TMEM132D: variants seen among roughly 807,000 people sequenced by gnomAD.
TMEM132D encodes transmembrane protein 132D.
TMEM132D carries 21 observed loss-of-function variants against 62.3 expected under a neutral mutation model. The ratio of observed to expected loss-of-function variants is 0.34; its 90% CI spans 0.24 to 0.49. The LOEUF (loss-of-function observed/expected upper bound fraction) is 0.49, where lower values mean the gene tolerates loss of function less well. TMEM132D is among the 20% of genes least tolerant of loss of function. The pLI is 0.99. For synonymous variants in TMEM132D, 621 were observed against 575.6 expected, an observed-to-expected ratio of 1.08 and a Z score of -1.13; for missense variants, 1,346 against 1,402.8, an observed-to-expected ratio of 0.96 and a Z score of 0.65.
intron 4 of TMEM132D, among the ~76,000 whole-genome samples, chr12:129,272,567 T>C (rs1371031800): frequency 6.6e-6 from 1 of 151,898 alleles, no homozygotes; most frequent in Non-Finnish European, 1.5e-5. Context: ...GCATTTTTTA[T>C]ATGTGTTGGC....
chr12:129,860,080 C>T (rs902622525), intron 1 of TMEM132D, among the ~76,000 whole-genome samples: 9 of 152,298 alleles, frequency 5.9e-5, no homozygotes, highest in South Asian at 2.1e-4. Context: ...GTCCTGGTCA[C>T]AGGGGACTCA....
intron 6 of TMEM132D, among the ~76,000 whole-genome samples, chr12:129,083,785 T>C (rs927919979): frequency 2.0e-5 from 3 of 152,246 alleles, no homozygotes; most frequent in Non-Finnish European, 4.4e-5. Context: ...ACGGTTTCTC[T>C]GAGATGACAA....
intron 4 of TMEM132D, among the ~76,000 whole-genome samples, chr12:129,266,694 A>G (rs554981488): frequency 6.6e-6 from 1 of 151,342 alleles, no homozygotes; most frequent in East Asian, 2.0e-4. Context: ...TCTGCCAATG[A>G]GACCAACGTC....
rs77447994 is a variant in TMEM132D, at chr12:129,897,719, A to C, written c.79+5542T>G. On this transcript the variant is annotated intron_variant, in intron 1 of 8. Coordinates refer to ENST00000422113, the MANE Select transcript of TMEM132D (RefSeq NM_133448.3). Reference sequence around the variant, plus strand: ...ATTTCTGATTGCTGCTGGAAAAAATAATGCTGAGAAAACTAAATAACATGA... The same window carrying C: ...ATTTCTGATTGCTGCTGGAAAAAATCATGCTGAGAAAACTAAATAACATGA... Among the ~76,000 whole-genome samples, 1,281 of 152,310 alleles carry C rather than the reference A, an allele frequency of 8.4e-3. 20 individuals are homozygous for C. The highest frequency in any genetic ancestry group is 0.029 in the African/African-American group (1,189 of 41,558).
At chr12:129,794,487 A>G (rs1250013687) in intron 1 of TMEM132D, among the ~76,000 whole-genome samples, 1 of 152,110 alleles carries the variant, frequency 6.6e-6, no homozygotes, top group Non-Finnish European at 1.5e-5. Flanking sequence ...ATTCATTTAT[A>G]TTTCTAGATA....
At chr12:129,314,451 T>C (rs986354521) in intron 4 of TMEM132D, among the ~76,000 whole-genome samples, 6 of 152,230 alleles carry the variant, frequency 3.9e-5, no homozygotes, top group African/African-American at 1.4e-4. Context: ...TTCTGGGTTC[T>C]CTATTCTGTT....
At chr12:129,133,456 C>T (rs1876439664) in intron 5 of TMEM132D, among the ~76,000 whole-genome samples, 1 of 152,224 alleles carries the variant, frequency 6.6e-6, no homozygotes, top group Non-Finnish European at 1.5e-5. Context: ...TGCAGATGAA[C>T]CTGGAGAGCA....
rs569138938 is a variant in TMEM132D at position 129,188,762 on chromosome 12, GGAGA to G, written c.1443+20754_1443+20757del. Reference sequence around the variant, plus strand: ...AGGAGGGAGAGGGGGAGGGAGAGAGGGAGAGAGAGAGAGAGAGAGAGAGAGAGAG... The same window carrying G: ...AGGAGGGAGAGGGGGAGGGAGAGAGGGAGAGAGAGAGAGAGAGAGAGAGAG... On this transcript the variant is annotated intron_variant, in intron 5 of 8. Coordinates refer to ENST00000422113, the MANE Select transcript of TMEM132D (RefSeq NM_133448.3). 8.1e-3 allele frequency among the ~76,000 whole-genome samples: 1,024 copies of G among 126,292 alleles called. 8 individuals are homozygous for G. Among genetic ancestry groups the G allele is most frequent in the African/African-American group, 9.6e-3 (329 of 34,398 alleles). 82.9% of individuals were successfully genotyped at this position (126,292 alleles called of 152,430 possible).
intron 5 of TMEM132D, among the ~76,000 whole-genome samples, chr12:129,160,988 T>C (rs967938503): frequency 6.6e-6 from 1 of 152,222 alleles, no homozygotes; most frequent in African/African-American, 2.4e-5. Flanking sequence ...TCATCCAGCA[T>C]TTGCAAATAC....
rs1189637241 is a variant in TMEM132D, at chr12:129,468,469, G to A, written c.1115+62590C>T. ...CAAATATCATCAAGGCAGCATCTCT[G>A]CATCCACAGGAAGACAATTAAACAC... On this transcript the variant is annotated intron_variant, in intron 3 of 8. Transcript: ENST00000422113. Among the ~76,000 whole-genome samples the A allele has an allele frequency of 2.0e-5, 3 of 152,186 alleles. No individual in the cohort carries two copies. The East Asian group carries it at 5.8e-4, about 29-fold the overall frequency.
At chr12:129,462,741 A>G (rs1282066408) in intron 3 of TMEM132D, among the ~76,000 whole-genome samples, 1 of 152,216 alleles carries the variant, frequency 6.6e-6, no homozygotes, top group African/African-American at 2.4e-5. Flanking sequence ...ATGGTAGTAA[A>G]TAATTATTTT....
intron 2 of TMEM132D, among the ~76,000 whole-genome samples, chr12:129,653,692 A>C (rs531888258): frequency 1.3e-5 from 2 of 152,184 alleles, no homozygotes; most frequent in South Asian, 4.1e-4. Flanking sequence ...CCTTTTAAAA[A>C]TAAACCTTTT....
At chr12:129,098,494 A>G (rs1875186507) in intron 5 of TMEM132D, among the ~76,000 whole-genome samples, 1 of 152,178 alleles carries the variant, frequency 6.6e-6, no homozygotes, top group East Asian at 1.9e-4. Flanking sequence ...TAGGGTCTCT[A>G]CCAAGAAATG....
At chr12:129,797,579 C>G (rs973919349) in intron 1 of TMEM132D, among the ~76,000 whole-genome samples, 1 of 152,082 alleles carries the variant, frequency 6.6e-6, no homozygotes, top group African/African-American at 2.4e-5. Context: ...TCTGAAAGTC[C>G]CGGCTGTGAC....
At chr12:129,538,614 T>C (rs190338236) in intron 2 of TMEM132D, among the ~76,000 whole-genome samples, 166 of 147,512 alleles carry the variant, frequency 1.1e-3, no homozygotes, top group African/African-American at 3.8e-3. Context: ...AGGAGGAGAT[T>C]AACAATAATA....
intron 1 of TMEM132D, among the ~76,000 whole-genome samples, chr12:129,776,987 A>C (rs1669525815): frequency 6.6e-6 from 1 of 152,152 alleles, no homozygotes; most frequent in African/African-American, 2.4e-5. Context: ...GTTCTTTTTT[A>C]TTAACAAAGG....
rs1197702339 is a variant in TMEM132D at position 129,182,957 on chromosome 12, A to G, written c.1443+26563T>C. The stretch of plus-strand genomic sequence containing the variant: ...CTCATGGGGTGGTGGTTAGGTTACA[A>G]CAGGTGTGGCAGGGATGGCTGAGGG... On this transcript the variant is annotated intron_variant, in intron 5 of 8. Transcript: ENST00000422113. Among the ~76,000 whole-genome samples the G allele has an allele frequency of 2.6e-5, 4 of 152,244 alleles. No homozygotes were observed. The East Asian group carries it at 7.7e-4, about 29-fold the overall frequency.
chr12:129,593,773 G>T (rs1007269472), intron 2 of TMEM132D, among the ~76,000 whole-genome samples: 3 of 152,176 alleles, frequency 2.0e-5, no homozygotes, highest in Non-Finnish European at 4.4e-5. Context: ...TTAAAGCACT[G>T]GGAGGTGCAG....
chr12:129,741,482 C>G (rs1156482784), intron 1 of TMEM132D, among the ~76,000 whole-genome samples: 1 of 152,068 alleles, frequency 6.6e-6, no homozygotes, highest in African/African-American at 2.4e-5. Flanking sequence ...AGAGGAGTAG[C>G]AGGAAAATAA....
Sources: gnomAD v4.1 joint callset for allele counts (sites outside exome capture counted in the v4.1 genomes callset) on GRCh38, gnomAD v4.1.1 for gene constraint, MANE v1.5 for transcripts, NCBI Gene and HGNC (gene_info 2026-07-23, HGNC 2026-07-21) for gene names.